Variants in SETD1B observed in about 807,000 individuals in gnomAD.
SETD1B encodes histone-lysine N-methyltransferase SETD1B.
SETD1B carries 7 observed loss-of-function variants against 148.0 expected under a neutral mutation model. That is an observed-to-expected ratio of 0.05 (90% CI 0.03 to 0.09). The LOEUF (loss-of-function observed/expected upper bound fraction) is 0.09, where lower values mean the gene tolerates loss of function less well. Among genes scored for constraint, SETD1B ranks in the 10% least tolerant of loss-of-function variants. SETD1B has a pLI of 1.00. For synonymous variants in SETD1B, 1,361 were observed against 1,186.5 expected (o/e 1.15, Z -3.02); for missense variants, 2,155 against 2,729.9 (o/e 0.79, Z 4.69).
chr12:121,807,190 C>G (rs1266167701), intron 4 of SETD1B, among the ~76,000 whole-genome samples: 5 of 152,030 alleles, frequency 3.3e-5, no homozygotes, highest in Admixed American at 3.3e-4. Context: ...GGCAGTTATT[C>G]CACGCACACT....
In SETD1B at chr12:121,819,784, G is replaced by C. The variant is rs1455656541; in HGVS notation, c.3799G>C (p.Glu1267Gln). 6.4e-7 allele frequency: 1 copy of C among 1,551,628 alleles called. No individual in the cohort carries two copies. The highest frequency in any genetic ancestry group is 8.7e-7 in the Non-Finnish European group (1 of 1,146,976). ...TGTTGAAGAGCCAGCGGACTCCAGG[G>C]AGCCGCCTGAGGAACCAGGCCTGAG... is the stretch of plus-strand genomic sequence containing the variant. Reference protein sequence around the residue: ...VGVEEPADSREPPEEPGLSQE... With the variant: ...VGVEEPADSRQPPEEPGLSQE... The change falls in exon 11 of 17, where the codon GAG (glutamate) becomes CAG (glutamine). Residue 1267 changes from glutamate to glutamine, a missense_variant. Coordinates refer to ENST00000604567, the MANE Select transcript of SETD1B (RefSeq NM_001353345.2).
rs1246471052 is a variant in SETD1B at position 121,830,799 on chromosome 12, C to T, written c.*560C>T. On this transcript the variant is annotated 3_prime_UTR_variant, in exon 17 of 17. Coordinates refer to ENST00000604567, the MANE Select transcript of SETD1B (RefSeq NM_001353345.2). This position sits in a 1 kb window ranked among gnomAD's most constrained non-coding sequence, Gnocchi z 5.7. ...GTGGGAAGGATGGAGGCCCCCACGG[C>T]CTTGACCTCAGAACACTACGCCCTG... 6 of 152,720 alleles carry T rather than the reference C, an allele frequency of 3.9e-5. No individual in the cohort carries two copies. The highest frequency in any genetic ancestry group is 3.9e-4 in the Admixed American group (6 of 15,308). 9.5% of individuals were successfully genotyped at this position (152,720 alleles called of 1,614,324 possible).
In SETD1B at chr12:121,819,324, G is replaced by T; in HGVS notation, c.3419-80G>T. The T allele has an allele frequency of 2.0e-6, 3 of 1,533,584 alleles. No homozygotes were observed. In the South Asian group the frequency reaches 3.7e-5, roughly 19 times the overall value. 95.0% of individuals were successfully genotyped at this position (1,533,584 alleles called of 1,614,324 possible). On this transcript the variant is annotated intron_variant, in intron 10 of 16. Transcript: ENST00000604567. The stretch of plus-strand genomic sequence containing the variant: ...TGTTCAGCCTGGGTGCCACCAGTTT[G>T]AGGCCATTGGTGAGGGGTCTGGTGG...
chr12:121,823,837 C>T, intron 12 of SETD1B, 88 bp downstream of exon 12: 2 of 1,452,570 alleles, frequency 1.4e-6, no homozygotes, highest in Non-Finnish European at 1.8e-6. Context: ...CAGTCTGTAG[C>T]AGCCCGCGGT....
chr12:121,832,183 C>T lies in SETD1B; in HGVS notation c.*1944C>T, dbSNP rs772069391. 3 of 152,156 alleles carry T rather than the reference C, an allele frequency of 2.0e-5. No individual in the cohort carries two copies. Among genetic ancestry groups the T allele is most frequent in the East Asian group, 3.9e-4 (2 of 5,192 alleles). 9.4% of individuals were successfully genotyped at this position (152,156 alleles called of 1,614,324 possible). On this transcript the variant is annotated 3_prime_UTR_variant, in exon 17 of 17. Transcript: ENST00000604567. ...TTCCCATAAAAGAAGTGGGGGTGTT[C>T]GAGAAGACCAGGGAAGGGACCCTTG...
chr12:121,805,745 G>A lies in SETD1B; in HGVS notation c.274-90G>A. ...TTACCCTTTATTGTTTTCAACGGGTGGGCGAGTTGCGGGCGGGGCGGGGGG... is the reference window on the plus strand; with the variant it reads ...TTACCCTTTATTGTTTTCAACGGGTAGGCGAGTTGCGGGCGGGGCGGGGGG... On this transcript the variant is annotated intron_variant, in intron 3 of 16. Transcript: ENST00000604567. This position sits in a 1 kb window ranked among gnomAD's most constrained non-coding sequence, Gnocchi z 4.2. 7.9e-7 allele frequency: 1 copy of A among 1,267,514 alleles called. No individual in the cohort carries two copies. Among genetic ancestry groups the A allele is most frequent in the Non-Finnish European group, 1.1e-6 (1 of 936,430 alleles). 78.5% of individuals were successfully genotyped at this position (1,267,514 alleles called of 1,614,324 possible).
chr12:121,818,952 C>T (rs576344812), intron 10 of SETD1B, among the ~76,000 whole-genome samples: 1 of 150,450 alleles, frequency 6.6e-6, no homozygotes, highest in South Asian at 2.1e-4. Flanking sequence ...TTTTTAAAAG[C>T]GACTACTAGC....
At chr12:121,825,935 A>T (rs2137585893) in intron 13 of SETD1B, among the ~76,000 whole-genome samples, 1 of 152,238 alleles carries the variant, frequency 6.6e-6, no homozygotes, top group South Asian at 2.1e-4. Flanking sequence ...CATAAGCCAC[A>T]TCGCATGGCC....
At chr12:121,822,404 C>A in intron 11 of SETD1B, 86 bp from the exon 12 acceptor site, 2 of 1,442,370 alleles carry the variant, frequency 1.4e-6, no homozygotes, top group Non-Finnish European at 1.8e-6. Flanking sequence ...GGGCTGTGAG[C>A]CTGCCAGGTA....
chr12:121,808,337 C>T lies in SETD1B; in HGVS notation c.657+17C>T. Reference sequence around the variant, plus strand: ...ACCCTGCAGGTGGGTTTATGGCCGTCAGTCTGCCCCATCGCCAGCTCTTTG... The same window carrying T: ...ACCCTGCAGGTGGGTTTATGGCCGTTAGTCTGCCCCATCGCCAGCTCTTTG... On this transcript the variant is annotated intron_variant, in intron 5 of 16. Coordinates refer to ENST00000604567, the MANE Select transcript of SETD1B (RefSeq NM_001353345.2). The surrounding 1 kb of genome is among the most constrained non-coding windows in gnomAD (Gnocchi z 5.3). The T allele has an allele frequency of 6.6e-7, 1 of 1,521,082 alleles. No individual in the cohort carries two copies. The highest frequency in any genetic ancestry group is 1.4e-5 in the African/African-American group (1 of 72,486). 94.2% of individuals were successfully genotyped at this position (1,521,082 alleles called of 1,614,324 possible).
rs1470042659 is a variant in SETD1B at position 121,810,718 on chromosome 12, G to A, written c.1773G>A (p.Gly591=). ...DEDEELDLGL[G]PRPPPEPGPP... The stretch of plus-strand genomic sequence containing the variant: ...ACGAGGAGCTCGACCTGGGCCTTGG[G>A]CCTCGGCCTCCACCTGAGCCAGGCC... Residue 591 remains glycine (G), a synonymous_variant, in exon 6 of 17, where the codon GGG becomes GGA. Transcript: ENST00000604567. This position sits in a 1 kb window ranked among gnomAD's most constrained non-coding sequence, Gnocchi z 7.6. 9 of 1,551,272 alleles carry A rather than the reference G, an allele frequency of 5.8e-6. No homozygotes were observed. The highest frequency in any genetic ancestry group is 1.7e-4 in the Middle Eastern group (1 of 5,990).
Position 121,805,295 on chromosome 12 carries a change from C to A in SETD1B, c.273+79C>A. 1 of 1,236,178 alleles carries A rather than the reference C, an allele frequency of 8.1e-7. No individual in the cohort carries two copies. The highest frequency in any genetic ancestry group is 2.6e-5 in the East Asian group (1 of 39,032). 76.6% of individuals were successfully genotyped at this position (1,236,178 alleles called of 1,614,324 possible). ...AAATAACGCCAGTCCTGACCGAGCCCAGCCGGATTCCCAGTTCCCGCCGTC... is the reference window on the plus strand; with the variant it reads ...AAATAACGCCAGTCCTGACCGAGCCAAGCCGGATTCCCAGTTCCCGCCGTC... On this transcript the variant is annotated intron_variant, in intron 3 of 16. Coordinates refer to ENST00000604567, the MANE Select transcript of SETD1B (RefSeq NM_001353345.2). The surrounding 1 kb of genome is among the most constrained non-coding windows in gnomAD (Gnocchi z 4.2).
rs1877133070 is a variant in SETD1B at position 121,832,317 on chromosome 12, C to G, written c.*2078C>G. 2 of 153,438 alleles carry G rather than the reference C, an allele frequency of 1.3e-5. No homozygotes were observed. Among genetic ancestry groups the G allele is most frequent in the Admixed American group, 1.3e-4 (2 of 15,266 alleles). The allele number at this position is 153,438 out of a possible 1,614,324, so 9.5% of individuals were successfully genotyped here. On this transcript the variant is annotated 3_prime_UTR_variant, in exon 17 of 17. Coordinates refer to ENST00000604567, the MANE Select transcript of SETD1B (RefSeq NM_001353345.2). ...ACCTCCCTCTCCCCAGGAGCCCCAGCCCCAGAGTGGTTTGCAATAATCAAG... is the reference window on the plus strand; with the variant it reads ...ACCTCCCTCTCCCCAGGAGCCCCAGGCCCAGAGTGGTTTGCAATAATCAAG...
rs1399211834 is a variant in SETD1B, at chr12:121,817,730, G to A, written c.3312+26G>A. ...GTGCCTAGCAGGCCAGGAAGCCTCA[G>A]GGGGCCGGGCCAGGCGACGAGGGCC... On this transcript the variant is annotated intron_variant, in intron 9 of 16. Coordinates refer to ENST00000604567, the MANE Select transcript of SETD1B (RefSeq NM_001353345.2). This position sits in a 1 kb window ranked among gnomAD's most constrained non-coding sequence, Gnocchi z 8.1. 6.5e-7 allele frequency: 1 copy of A among 1,538,734 alleles called. No homozygotes were observed. The highest frequency in any genetic ancestry group is 1.2e-5 in the South Asian group (1 of 83,382).
intron 13 of SETD1B, among the ~76,000 whole-genome samples, chr12:121,825,865 C>T (rs970044818): frequency 1.3e-5 from 2 of 152,160 alleles, no homozygotes; most frequent in Middle Eastern, 3.4e-3. Flanking sequence ...AGGTTGGTCT[C>T]GAACTCCTGA....
chr12:121,814,421 G>C lies in SETD1B; in HGVS notation c.2206G>C (p.Val736Leu). The C allele has an allele frequency of 7.0e-7, 1 of 1,428,310 alleles. No individual in the cohort carries two copies. Among genetic ancestry groups the C allele is most frequent in the South Asian group, 1.5e-5 (1 of 67,912 alleles). 88.5% of individuals were successfully genotyped at this position (1,428,310 alleles called of 1,614,324 possible). A position where few individuals can be genotyped will look rare whatever the true frequency, so the allele number is the denominator to read the frequency against. ...PPPPLPAPPGVPPPPILPPLP... is the reference protein window; with the variant it reads ...PPPPLPAPPGLPPPPILPPLP... ...ACCACCCTTGCCAGCGCCGCCTGGA[G>C]TCCCGCCCCCACCCATCCTGCCACC... Residue 736 changes from valine to leucine, a missense_variant, in exon 7 of 17, where the codon GTC (valine) becomes CTC (leucine). Around this residue, in one of 11 missense-constraint regions of SETD1B, gnomAD observed 295 missense variants for 303.8 expected, o/e 0.97. Coordinates refer to ENST00000604567, the MANE Select transcript of SETD1B (RefSeq NM_001353345.2).
chr12:121,793,592 ACCGGGGGCGGCGGTCTGGGCCAGGGCC>A, the SETD1B span: 3 of 1,552,176 alleles, frequency 1.9e-6, no homozygotes, highest in Non-Finnish European at 1.7e-6. Flanking sequence ...TCCTGCCCGG[ACCGGGGGCGGCGGTCTGGGCCAGGGCC>A]CCGGGGGCAT....
chr12:121,814,994 ACCT>A (rs1876223036), intron 7 of SETD1B, 64 bp downstream of exon 7: 7 of 1,398,848 alleles, frequency 5.0e-6, no homozygotes, highest in Non-Finnish European at 2.9e-6. Context: ...CCAGCCGGGC[ACCT>A]CCTCTTTCCC....
chr12:121,808,329 A>T lies in SETD1B; in HGVS notation c.657+9A>T. 1 of 1,542,066 alleles carries T rather than the reference A, an allele frequency of 6.5e-7. No individual in the cohort carries two copies. ...TGAATGAGACCCTGCAGGTGGGTTT[A>T]TGGCCGTCAGTCTGCCCCATCGCCA... On this transcript the variant is annotated intron_variant, in intron 5 of 16. Coordinates refer to ENST00000604567, the MANE Select transcript of SETD1B (RefSeq NM_001353345.2). The surrounding 1 kb of genome is among the most constrained non-coding windows in gnomAD (Gnocchi z 5.3).
Sources: gnomAD v4.1 joint callset for allele counts (sites outside exome capture counted in the v4.1 genomes callset) on GRCh38, gnomAD v4.1.1 for gene constraint, gnomAD v4.1.1 regional missense constraint, Gnocchi (gnomAD v3.1) non-coding constraint, MANE v1.5 for transcripts, NCBI Gene and HGNC (gene_info 2026-07-23, HGNC 2026-07-21) for gene names.